ZNF292: variants seen among roughly 807,000 people sequenced by gnomAD.
ZNF292 encodes the protein zinc finger protein 292, also known as 16 zinc-finger domain protein.
In ZNF292, 26 loss-of-function variants were observed where a neutral mutation model predicts 217.9. The observed-to-expected ratio is 0.12, with a 90% CI of 0.09 to 0.17. ZNF292 has a LOEUF of 0.17. Among genes scored for constraint, ZNF292 ranks in the 10% least tolerant of loss-of-function variants. ZNF292 has a pLI of 1.00. For missense variants in ZNF292, 2,904 were observed against 3,175.2 expected, an observed-to-expected ratio of 0.91 and a Z score of 2.05; for synonymous variants, 1,257 against 1,124.1, an observed-to-expected ratio of 1.12 and a Z score of -2.37.
At chr6:87,156,999 C>T (rs1416041076) in intron 1 of ZNF292, among the ~76,000 whole-genome samples, 1 of 152,204 alleles carries the variant, frequency 6.6e-6, no homozygotes, top group Non-Finnish European at 1.5e-5. Flanking sequence ...AAATACTGAT[C>T]TTAACGTAGA....
At position 87,260,055 on chromosome 6, in the gene ZNF292, T is replaced by A; in HGVS notation, c.6426T>A (p.Asp2142Glu). The change falls in exon 8 of 8, where the codon GAT (aspartate) becomes GAA (glutamate). Residue 2142 changes from aspartate to glutamate, a missense_variant. Asp to Glu is a conservative substitution (Grantham distance 45). Transcript: ENST00000369577. ...ATTACCAGGCTGTACACAAATCAGA[T>A]CTACCTGCATTTTCAGCAGAGGTCG... ...ILHYQAVHKS[D>E]LPAFSAEVEE... is the part of the protein sequence containing the mutation. 6.2e-7 allele frequency: 1 copy of A among 1,613,584 alleles called. No individual in the cohort carries two copies. The highest frequency in any genetic ancestry group is 1.1e-5 in the South Asian group (1 of 91,072).
chr6:87,252,744 C>A (rs1453675789), intron 7 of ZNF292, among the ~76,000 whole-genome samples: 3 of 152,076 alleles, frequency 2.0e-5, no homozygotes, highest in Admixed American at 6.6e-5. Context: ...CCATTAGCAG[C>A]CCCTTAAGGC....
rs1198625024 is a variant in ZNF292, at chr6:87,256,844, C to T, written c.3215C>T (p.Ala1072Val). The change falls in exon 8 of 8, where the codon GCA becomes GTA. Residue 1072 changes from alanine (A) to valine (V), a missense_variant. Ala to Val is a moderately conservative substitution (Grantham distance 64, BLOSUM62 0). Transcript: ENST00000369577. ...NLPLKTLESI[A>V]FVPPQSDLSN... ...CCTCTTAAGACATTAGAAAGTATTG[C>T]ATTTGTTCCACCGCAGTCCGACCTA... 6 of 1,613,646 alleles carry T rather than the reference C, an allele frequency of 3.7e-6. No individual in the cohort carries two copies. The highest frequency in any genetic ancestry group is 5.1e-6 in the Non-Finnish European group (6 of 1,179,826).
At chr6:87,185,484 A>C (rs1297088509) in intron 1 of ZNF292, among the ~76,000 whole-genome samples, 3 of 152,182 alleles carry the variant, frequency 2.0e-5, no homozygotes, top group Non-Finnish European at 4.4e-5. Flanking sequence ...TAGAACTTGA[A>C]GCATACTTTC....
intron 4 of ZNF292, among the ~76,000 whole-genome samples, chr6:87,229,553 A>G (rs1274474607): frequency 3.9e-5 from 6 of 152,090 alleles, no homozygotes. Context: ...CAGCCTCCCG[A>G]GTAGCTGGGA....
chr6:87,169,839 G>T, intron 1 of ZNF292: 1 of 272,600 alleles, frequency 3.7e-6, no homozygotes, highest in East Asian at 1.2e-4. Context: ...GTGGAGACAG[G>T]GTTTTGCCAT....
At chr6:87,196,663 G>T (rs1771960442) in intron 1 of ZNF292, among the ~76,000 whole-genome samples, 1 of 150,322 alleles carries the variant, frequency 6.7e-6, no homozygotes, top group Non-Finnish European at 1.5e-5. Context: ...TGTTGAACCA[G>T]GTTGTTGGGG....
At chr6:87,249,426 C>A (rs1217919103) in intron 7 of ZNF292, 2 of 307,182 alleles carry the variant, frequency 6.5e-6, no homozygotes, top group Non-Finnish European at 1.3e-5. Context: ...CCACACATGA[C>A]CTTCGCAGCA....
chr6:87,238,347 G>A (rs1197823968), intron 5 of ZNF292, among the ~76,000 whole-genome samples: 5 of 151,904 alleles, frequency 3.3e-5, no homozygotes, highest in Admixed American at 6.6e-5. Flanking sequence ...TTAGCCAGTC[G>A]TGGTGGCACT....
intron 1 of ZNF292, among the ~76,000 whole-genome samples, chr6:87,203,629 G>A (rs1245849412): frequency 4.6e-5 from 7 of 151,970 alleles, no homozygotes; most frequent in Non-Finnish European, 1.5e-5. Context: ...GGCCCAGAGT[G>A]GAATGTCAAA....
chr6:87,202,536 T>C (rs1043386270), intron 1 of ZNF292, among the ~76,000 whole-genome samples: 1 of 152,212 alleles, frequency 6.6e-6, no homozygotes, highest in Admixed American at 6.5e-5. Flanking sequence ...CAGTTTTGAA[T>C]AGAAGCAGTG....
At chr6:87,187,963 C>T (rs1383427283) in intron 1 of ZNF292, among the ~76,000 whole-genome samples, 1 of 152,082 alleles carries the variant, frequency 6.6e-6, no homozygotes, top group African/African-American at 2.4e-5. Flanking sequence ...GGAATGCTGG[C>T]CGGTGTTTGC....
chr6:87,218,247 GA>G (rs1002521927), intron 3 of ZNF292, among the ~76,000 whole-genome samples: 1 of 152,056 alleles, frequency 6.6e-6, no homozygotes. Flanking sequence ...AGATTTGGGG[GA>G]AAACTTTTTT....
chr6:87,207,426 G>A (rs1772292264), intron 1 of ZNF292, among the ~76,000 whole-genome samples: 1 of 152,128 alleles, frequency 6.6e-6, no homozygotes, highest in Non-Finnish European at 1.5e-5. Context: ...TGACTGAGAA[G>A]TACAGTTTAA....
chr6:87,163,022 T>G (rs1770803047), intron 1 of ZNF292, among the ~76,000 whole-genome samples: 2 of 152,222 alleles, frequency 1.3e-5, no homozygotes, highest in African/African-American at 4.8e-5. Flanking sequence ...TTCATTGTTT[T>G]TCTTTTGGCA....
At chr6:87,172,888 T>A (rs1458396332) in intron 1 of ZNF292, among the ~76,000 whole-genome samples, 1 of 148,662 alleles carries the variant, frequency 6.7e-6, no homozygotes, top group Non-Finnish European at 1.5e-5. Context: ...GGCGACAGAA[T>A]GAGACTCTGT....
rs1479480866 is a variant in ZNF292 at position 87,255,886 on chromosome 6, A to G, written c.2257A>G (p.Ile753Val). ...CTGTGGCAGTAAACCATATATCTGTATACAGATGAAATGTAAAGCTGGTTT... is the reference window on the plus strand; with the variant it reads ...CTGTGGCAGTAAACCATATATCTGTGTACAGATGAAATGTAAAGCTGGTTT... The part of the protein sequence containing the change: ...MHCGSKPYIC[I>V]QMKCKAGFNS... Residue 753 changes from isoleucine to valine, a missense_variant, in exon 8 of 8, where the codon ATA becomes GTA. Ile to Val is a conservative substitution (Grantham distance 29, BLOSUM62 3). Coordinates refer to ENST00000369577, the MANE Select transcript of ZNF292 (RefSeq NM_015021.3). The G allele has an allele frequency of 6.2e-7, 1 of 1,613,758 alleles. No homozygotes were observed. Among genetic ancestry groups the G allele is most frequent in the African/African-American group, 1.3e-5 (1 of 74,946 alleles).
At chr6:87,194,377 A>G (rs772900158) in intron 1 of ZNF292, among the ~76,000 whole-genome samples, 2 of 152,174 alleles carry the variant, frequency 1.3e-5, no homozygotes, top group African/African-American at 4.8e-5. Flanking sequence ...AAAAAGTTCA[A>G]ATTAATGAAG....
chr6:87,260,171 G>A lies in ZNF292; in HGVS notation c.6542G>A (p.Arg2181Gln), dbSNP rs1002999673. 12 of 1,612,640 alleles carry A rather than the reference G, an allele frequency of 7.4e-6. No homozygotes were observed. The highest frequency in any genetic ancestry group is 2.2e-5 in the South Asian group (2 of 91,050). ...CGATGTCAGGTAAGTGACTGTTCTC[G>A]AATTTTCCAAGCAATTACTGGCCTA... The part of the protein sequence containing the change: ...EFRCQVSDCS[R>Q]IFQAITGLIQ... Residue 2181 changes from arginine to glutamine, a missense_variant, in exon 8 of 8, where the codon CGA becomes CAA. Physicochemically the swap from Arg to Gln is conservative, Grantham distance 43. Transcript: ENST00000369577.
Sources: allele counts gnomAD v4.1 joint callset (sites outside exome capture counted in the v4.1 genomes callset), GRCh38; gene constraint gnomAD v4.1.1; transcripts MANE v1.5; gene names NCBI Gene and HGNC (gene_info 2026-07-23, HGNC 2026-07-21).